The following FRMD4A variants were observed in gnomAD, a reference collection of about 807,000 sequenced individuals.
The protein encoded by FRMD4A is FERM domain-containing protein 4A.
Under a neutral mutation model 129.1 loss-of-function variants are expected in FRMD4A, and 29 were observed. The ratio of observed to expected loss-of-function variants is 0.22; its 90% CI spans 0.17 to 0.31. The LOEUF is 0.31. Ranked by LOEUF, FRMD4A falls within the 10% of genes least tolerant of loss-of-function variation. The pLI is 1.00. For missense variants in FRMD4A, 1,272 were observed against 1,375.8 expected, an observed-to-expected ratio of 0.92 and a Z score of 1.19; for synonymous variants, 634 against 571.6, an observed-to-expected ratio of 1.11 and a Z score of -1.56.
chr10:13,731,027 CA>C (rs11286606), intron 12 of FRMD4A, among the ~76,000 whole-genome samples: 88,922 of 139,366 alleles, frequency 0.64, 27,869 homozygotes, highest in South Asian at 0.68. Flanking sequence ...GACTCCCTCT[CA>C]AAAAAAAAAA....
intron 2 of FRMD4A, among the ~76,000 whole-genome samples, chr10:14,200,601 C>G (rs1397258716): frequency 6.6e-6 from 1 of 152,262 alleles, no homozygotes; most frequent in Middle Eastern, 3.4e-3. Flanking sequence ...GAGAGAAGTT[C>G]AATGGGGATT....
chr10:13,769,333 G>C (rs1201640009), intron 6 of FRMD4A, among the ~76,000 whole-genome samples: 2 of 151,460 alleles, frequency 1.3e-5, no homozygotes, highest in Non-Finnish European at 2.9e-5. Flanking sequence ...TTTTGAGACA[G>C]GGTCTTGCTC....
At chr10:14,044,408 T>C (rs1190334235) in intron 2 of FRMD4A, among the ~76,000 whole-genome samples, 2 of 152,216 alleles carry the variant, frequency 1.3e-5, no homozygotes, top group Non-Finnish European at 2.9e-5. Context: ...TGTGACCTTA[T>C]TTGGAAATAG....
intron 2 of FRMD4A, among the ~76,000 whole-genome samples, chr10:13,933,366 C>A (rs1371908134): frequency 6.6e-6 from 1 of 152,194 alleles, no homozygotes; most frequent in African/African-American, 2.4e-5. Flanking sequence ...TAAATCCCCA[C>A]AAATTCTGTA....
rs75295517 is a variant in FRMD4A at position 13,925,462 on chromosome 10, G to A, written c.46-66550C>T. Among the ~76,000 whole-genome samples the A allele has an allele frequency of 0.011, 1,615 of 151,206 alleles. 98 individuals carry two copies. The East Asian group carries it at 0.18, about 17-fold the overall frequency. On this transcript the variant is annotated intron_variant, in intron 2 of 24. Coordinates refer to ENST00000357447, the MANE Select transcript of FRMD4A (RefSeq NM_018027.5). The stretch of plus-strand genomic sequence containing the variant: ...CCAGAAAAATTTAATTGCACAAAAG[G>A]CAGCATGCAAATGCTCTTTAATTTT...
At chr10:14,307,921 A>G (rs1158727176) in intron 2 of FRMD4A, among the ~76,000 whole-genome samples, 1 of 152,124 alleles carries the variant, frequency 6.6e-6, no homozygotes, top group Non-Finnish European at 1.5e-5. Flanking sequence ...CTCACTCTCT[A>G]CCTTCTCATT....
intron 6 of FRMD4A, among the ~76,000 whole-genome samples, chr10:13,766,038 G>A (rs577370921): frequency 6.6e-6 from 1 of 152,358 alleles, no homozygotes; most frequent in Admixed American, 6.5e-5. Context: ...TTTTAAGTGT[G>A]AACATAGCTT....
intron 8 of FRMD4A, among the ~76,000 whole-genome samples, chr10:13,755,270 A>C (rs2091812198): frequency 6.6e-6 from 1 of 152,178 alleles, no homozygotes; most frequent in Non-Finnish European, 1.5e-5. Context: ...GCCTGGCAAA[A>C]AAGACTTACA....
intron 3 of FRMD4A, among the ~76,000 whole-genome samples, chr10:13,836,316 T>C (rs1308384960): frequency 6.6e-6 from 1 of 152,176 alleles, no homozygotes; most frequent in African/African-American, 2.4e-5. Flanking sequence ...GGTTATTCTT[T>C]AAGGGATGGA....
chr10:13,903,211 G>T (rs1395664509), intron 2 of FRMD4A, among the ~76,000 whole-genome samples: 2 of 152,046 alleles, frequency 1.3e-5, no homozygotes, highest in East Asian at 3.8e-4. Context: ...CTTAAAAATA[G>T]CAACTCCTCC....
intron 2 of FRMD4A, among the ~76,000 whole-genome samples, chr10:14,045,303 G>T (rs1466083138): frequency 6.6e-6 from 1 of 151,960 alleles, no homozygotes; most frequent in Non-Finnish European, 1.5e-5. Flanking sequence ...GCAACATCTG[G>T]TGTGTTCTCA....
intron 2 of FRMD4A, among the ~76,000 whole-genome samples, chr10:14,094,345 G>A (rs144629766): frequency 6.7e-4 from 102 of 152,340 alleles, no homozygotes; most frequent in African/African-American, 2.4e-3. Context: ...CATCAAAACC[G>A]TGTTAACGAG....
At chr10:14,061,272 A>C (rs201541749) in intron 2 of FRMD4A, among the ~76,000 whole-genome samples, 1 of 137,448 alleles carries the variant, frequency 7.3e-6, no homozygotes, top group African/African-American at 3.0e-5. Flanking sequence ...ATGGGTGTTG[A>C]TCAACCCCGT....
At chr10:13,887,744 A>G (rs2094641790) in intron 2 of FRMD4A, among the ~76,000 whole-genome samples, 1 of 152,222 alleles carries the variant, frequency 6.6e-6, no homozygotes, top group South Asian at 2.1e-4. Flanking sequence ...CATTAGTGCA[A>G]TGTACTAAAC....
intron 2 of FRMD4A, among the ~76,000 whole-genome samples, chr10:13,921,347 G>C (rs1335194068): frequency 6.6e-6 from 1 of 151,294 alleles, no homozygotes; most frequent in Non-Finnish European, 1.5e-5. Flanking sequence ...CTGAAGACTT[G>C]ACCTCCTGGC....
intron 5 of FRMD4A, among the ~76,000 whole-genome samples, chr10:13,788,072 TC>T (rs1241632306): frequency 3.9e-5 from 6 of 152,116 alleles, no homozygotes; most frequent in Non-Finnish European, 5.9e-5. Context: ...CATGGACAGT[TC>T]CGAGTCTGGC....
rs183222300 is a variant in FRMD4A at position 14,244,536 on chromosome 10, T to C, written c.45+85522A>G. On this transcript the variant is annotated intron_variant, in intron 2 of 24. Coordinates refer to ENST00000357447, the MANE Select transcript of FRMD4A (RefSeq NM_018027.5). ...ATATGACATTTATATTATAATTTGATGTGATATTTAAAGGTAGTTATAAAC... is the reference window on the plus strand; with the variant it reads ...ATATGACATTTATATTATAATTTGACGTGATATTTAAAGGTAGTTATAAAC... Among the ~76,000 whole-genome samples the C allele has an allele frequency of 9.5e-3, 1,450 of 152,338 alleles. 20 individuals are homozygous for C. Among genetic ancestry groups the C allele is most frequent in the African/African-American group, 0.032 (1,341 of 41,560 alleles).
At chr10:14,005,811 TC>T (rs2095660198) in intron 2 of FRMD4A, among the ~76,000 whole-genome samples, 1 of 152,200 alleles carries the variant, frequency 6.6e-6, no homozygotes, top group South Asian at 2.1e-4. Context: ...CGCCTTGGTT[TC>T]CCTGTTTATA....
At chr10:13,886,880 T>C (rs1428320259) in intron 2 of FRMD4A, among the ~76,000 whole-genome samples, 1 of 152,210 alleles carries the variant, frequency 6.6e-6, no homozygotes, top group Non-Finnish European at 1.5e-5. Flanking sequence ...AGTGAGTGTA[T>C]GCAAGCAAAA....
Sources: allele counts gnomAD v4.1 joint callset (sites outside exome capture counted in the v4.1 genomes callset), GRCh38; gene constraint gnomAD v4.1.1; transcripts MANE v1.5; gene names NCBI Gene and HGNC (gene_info 2026-07-23, HGNC 2026-07-21).